APEX1: variants seen among roughly 807,000 people sequenced by gnomAD.
APEX1 encodes DNA repair nuclease/redox regulator APEX1.
Under a neutral mutation model 33.2 loss-of-function variants are expected in APEX1, and 32 were observed. The observed-to-expected ratio is 0.96, with a 90% confidence interval of 0.73 to 1.29. The LOEUF is 1.29. Ranked by LOEUF, APEX1 falls within the 50% of genes most tolerant of loss-of-function variation. The pLI, the probability that APEX1 is intolerant of heterozygous loss-of-function variation, is 0.00. For missense variants in APEX1, 442 were observed against 395.6 expected (o/e 1.12, Z -0.99); for synonymous variants, 175 against 156.6 (o/e 1.12, Z -0.88).
At position 20,456,841 on chromosome 14, in the gene APEX1, C is replaced by CA. The variant is rs770419753; in HGVS notation, c.423dup (p.Val142SerfsTer8). On this transcript the variant is annotated frameshift_variant, in exon 4 of 5. Transcript: ENST00000216714. LOFTEE classifies it high-confidence loss of function. Reference sequence around the variant, plus strand: ...GCCTGCTTTCCCGCCAGTGCCCACTCAAAGTTTCTTACGGCATAGGTGAGA... The same window carrying CA: ...GCCTGCTTTCCCGCCAGTGCCCACTCAAAAGTTTCTTACGGCATAGGTGAGA... 13 of 1,614,070 alleles carry CA rather than the reference C, an allele frequency of 8.1e-6. No homozygotes were observed. Among genetic ancestry groups the CA allele is most frequent in the Non-Finnish European group, 9.3e-6 (11 of 1,179,988 alleles).
intron 3 of APEX1, 44 bp from the exon 4 acceptor site, chr14:20,456,624 T>C: frequency 9.6e-6 from 15 of 1,559,108 alleles, no homozygotes; most frequent in Non-Finnish European, 1.3e-5. Context: ...ATAAATGTTC[T>C]GCTGAATTGA....
rs1433487488 is a variant in APEX1, at chr14:20,457,336, A to G, written c.785A>G (p.Tyr262Cys). 2.5e-6 allele frequency: 4 copies of G among 1,614,192 alleles called. No individual in the cohort carries two copies. Among genetic ancestry groups the G allele is most frequent in the Non-Finnish European group, 3.4e-6 (4 of 1,180,018 alleles). ...AGGCACCTCTACCCCAACACACCCT[A>G]TGCCTACACCTTTTGGACTTATATG... ...SFRHLYPNTP[Y>C]AYTFWTYMMN... Residue 262 changes from tyrosine to cysteine, a missense_variant, in exon 5 of 5, where the codon TAT (tyrosine) becomes TGT (cysteine). Physicochemically the swap from Tyr to Cys is radical, Grantham distance 194 (BLOSUM62 -2). Coordinates refer to ENST00000216714, the MANE Select transcript of APEX1 (RefSeq NM_001641.4).
At chr14:20,456,632 T>G (rs1881376343) in intron 3 of APEX1, 36 bp from the exon 4 acceptor site, 1 of 1,578,248 alleles carries the variant, frequency 6.3e-7, no homozygotes, top group Admixed American at 1.7e-5. Flanking sequence ...TCTGCTGAAT[T>G]GATAATACGT....
In APEX1 at chr14:20,455,936, G is replaced by C. The variant is rs754170368; in HGVS notation, c.81G>C (p.Lys27Asn). 2 of 1,614,012 alleles carry C rather than the reference G, an allele frequency of 1.2e-6. No homozygotes were observed. Among genetic ancestry groups the C allele is most frequent in the Non-Finnish European group, 1.7e-6 (2 of 1,180,018 alleles). The change falls in exon 3 of 5, where the codon AAG becomes AAC. Residue 27 changes from lysine to asparagine, a missense_variant. By Grantham distance (94) the Lys-to-Asn change is moderately conservative. Coordinates refer to ENST00000216714, the MANE Select transcript of APEX1 (RefSeq NM_001641.4). ...TAGAGCCAGAGGCCAAGAAGAGTAA[G>C]ACGGCCGCAAAGAAAAATGACAAAG... ...LRTEPEAKKSKTAAKKNDKEA... is the reference protein window; with the variant it reads ...LRTEPEAKKSNTAAKKNDKEA...
In APEX1 at chr14:20,456,712, C is replaced by T. The variant is rs370207363; in HGVS notation, c.291C>T (p.Thr97=). The change falls in exon 4 of 5, where the codon ACC becomes ACT. Residue 97 remains threonine, a synonymous_variant. Coordinates refer to ENST00000216714, the MANE Select transcript of APEX1 (RefSeq NM_001641.4). ...CAGATATACTGTGCCTTCAAGAGACCAAATGTTCAGAGAACAAACTACCAG... is the reference window on the plus strand; with the variant it reads ...CAGATATACTGTGCCTTCAAGAGACTAAATGTTCAGAGAACAAACTACCAG... ...EAPDILCLQE[T]KCSENKLPAE... 71 of 1,614,066 alleles carry T rather than the reference C, an allele frequency of 4.4e-5. No homozygotes were observed. The highest frequency in any genetic ancestry group is 5.8e-5 in the Non-Finnish European group (69 of 1,180,026).
chr14:20,457,761 A>G lies in APEX1; in HGVS notation c.*253A>G. The G allele has an allele frequency of 1.8e-6, 1 of 547,162 alleles. No individual in the cohort carries two copies. The allele number at this position is 547,162 out of a possible 1,614,324, so 33.9% of individuals were successfully genotyped here. A position where few individuals can be genotyped will look rare whatever the true frequency, so the allele number is the denominator to read the frequency against. ...TATCCACATGAAAATAAAGAGCCAT[A>G]GTTTCAGCCTTGCTGTCTTCGTGTC... On this transcript the variant is annotated 3_prime_UTR_variant, in exon 5 of 5. Transcript: ENST00000216714.
rs1410824004 is a variant in APEX1 at position 20,455,786 on chromosome 14, C to T, written c.58+83C>T. On this transcript the variant is annotated intron_variant, in intron 2 of 4. Transcript: ENST00000216714. ...CCCTTGATGTACGGTAAGTACGGGC[C>T]GACTCATTTTTGCAGGGGTTTGTGA... The T allele has an allele frequency of 3.1e-6, 5 of 1,613,724 alleles. No individual in the cohort carries two copies. In the Admixed American group the frequency reaches 8.3e-5, roughly 27 times the overall value.
At position 20,455,633 on chromosome 14, in the gene APEX1, G is replaced by A. The variant is rs762136931; in HGVS notation, c.-13G>A. 6.2e-7 allele frequency: 1 copy of A among 1,613,240 alleles called. No individual in the cohort carries two copies. Among genetic ancestry groups the A allele is most frequent in the Non-Finnish European group, 8.5e-7 (1 of 1,180,040 alleles). On this transcript the variant is annotated 5_prime_UTR_variant, in exon 2 of 5. Transcript: ENST00000216714. ...TGACGCGGTACAGCTGCCCAAGGGC[G>A]TTCGTAACGGGAATGCCGAAGCGTG...
intron 1 of APEX1, 66 bp from the exon 2 acceptor site, chr14:20,455,512 G>C (rs1437552947): frequency 1.4e-6 from 2 of 1,458,306 alleles, no homozygotes; most frequent in Non-Finnish European, 1.9e-6. Context: ...ACCTGGTGCG[G>C]GGACGCTCTT....
chr14:20,456,008 G>C lies in APEX1; in HGVS notation c.153G>C (p.Gln51His), dbSNP rs1048945. 53,911 of 1,614,190 alleles carry C rather than the reference G, an allele frequency of 0.033. 1,062 individuals carry two copies. The highest frequency in any genetic ancestry group is 0.042 in the Non-Finnish European group (49,188 of 1,180,038). ...GPALYEDPPD[Q>H]KTSPSGKPAT... is the part of the protein sequence containing the mutation. ...CCCTGTATGAGGACCCCCCAGATCA[G>C]AAAACCTCACCCAGTGGCAAACCTG... Residue 51 changes from glutamine to histidine, a missense_variant, in exon 3 of 5, where the codon CAG (glutamine) becomes CAC (histidine). Transcript: ENST00000216714.
chr14:20,456,553 TCCTTAGGCCA>T (rs1881369220), intron 3 of APEX1, 105 bp from the exon 4 acceptor site: 2 of 992,338 alleles, frequency 2.0e-6, no homozygotes, highest in Admixed American at 3.8e-5. Flanking sequence ...TGACTCGAAC[TCCTTAGGCCA>T]AGAGACTGTT....
In APEX1 at chr14:20,457,493, A is replaced by G; in HGVS notation, c.942A>G (p.Leu314=). The part of the protein sequence containing the change: ...ALGSDHCPIT[L]YLAL ...GCAGTGATCACTGTCCTATCACCCT[A>G]TACCTAGCACTGTGACACCACCCCT... The change falls in exon 5 of 5, where the codon CTA becomes CTG. Residue 314 remains leucine, a synonymous_variant. Transcript: ENST00000216714. 2 of 1,614,058 alleles carry G rather than the reference A, an allele frequency of 1.2e-6. No individual in the cohort carries two copies.
In APEX1 at chr14:20,457,093, G is replaced by A. The variant is rs754130481; in HGVS notation, c.542G>A (p.Arg181Gln). 1.1e-5 allele frequency: 17 copies of A among 1,614,090 alleles called. No homozygotes were observed. The highest frequency in any genetic ancestry group is 3.3e-5 in the South Asian group (3 of 91,076). ...CCTAATGCAGGCCGAGGTCTGGTAC[G>A]ACTGGAGTACCGGCAGCGCTGGGAT... is the stretch of plus-strand genomic sequence containing the variant. ...YVPNAGRGLV[R>Q]LEYRQRWDEA... The change falls in exon 5 of 5, where the codon CGA becomes CAA. Residue 181 changes from arginine (R) to glutamine (Q), a missense_variant. By Grantham distance (43) the Arg-to-Gln change is conservative. Coordinates refer to ENST00000216714, the MANE Select transcript of APEX1 (RefSeq NM_001641.4).
chr14:20,455,982 G>T lies in APEX1; in HGVS notation c.127G>T (p.Ala43Ser). ...CAAAGAGGCAGCAGGAGAGGGCCCA[G>T]CCCTGTATGAGGACCCCCCAGATCA... Reference protein sequence around the residue: ...NDKEAAGEGPALYEDPPDQKT... With the variant: ...NDKEAAGEGPSLYEDPPDQKT... The change falls in exon 3 of 5, where the codon GCC becomes TCC. Residue 43 changes from alanine to serine, a missense_variant. Transcript: ENST00000216714. 6.2e-7 allele frequency: 1 copy of T among 1,614,188 alleles called. No homozygotes were observed. The highest frequency in any genetic ancestry group is 8.5e-7 in the Non-Finnish European group (1 of 1,180,034).
chr14:20,455,298 C>T lies in APEX1; in HGVS notation c.-165C>T. On this transcript the variant is annotated 5_prime_UTR_variant, in exon 1 of 5. Transcript: ENST00000216714. Reference sequence around the variant, plus strand: ...GCAGATACGGGGTTGCTCTTTTGCTCATAAGAGGGGCTTCGCTGGCAGTCT... The same window carrying T: ...GCAGATACGGGGTTGCTCTTTTGCTTATAAGAGGGGCTTCGCTGGCAGTCT... 7 of 437,444 alleles carry T rather than the reference C, an allele frequency of 1.6e-5. No individual in the cohort carries two copies. The highest frequency in any genetic ancestry group is 1.5e-4 in the South Asian group (7 of 45,620). 27.1% of individuals were successfully genotyped at this position (437,444 alleles called of 1,614,324 possible). A position where few individuals can be genotyped will look rare whatever the true frequency, so the allele number is the denominator to read the frequency against.
At chr14:20,455,775 T>A (rs1555332139) in intron 2 of APEX1, 72 bp downstream of exon 2, 1 of 1,613,600 alleles carries the variant, frequency 6.2e-7, no homozygotes, top group Non-Finnish European at 8.5e-7. Context: ...TGATGTACGG[T>A]AAGTACGGGC....
At chr14:20,456,640 C>T (rs745718164) in intron 3 of APEX1, 28 bp from the exon 4 acceptor site, 41 of 1,594,658 alleles carry the variant, frequency 2.6e-5, no homozygotes, top group South Asian at 1.4e-4. Context: ...ATTGATAATA[C>T]GTTTTCCACC....
Position 20,455,896 on chromosome 14 carries a change from ATATT to A in APEX1, c.59-17_59-14del, listed in dbSNP as rs776203258. Reference sequence around the variant, plus strand: ...GAAACCACCAGCTTTTTGTCAGTATATATTACTCATTTTATAGAGCCAGAGGCCA... The same window carrying A: ...GAAACCACCAGCTTTTTGTCAGTATAACTCATTTTATAGAGCCAGAGGCCA... On this transcript the variant is annotated splice_polypyrimidine_tract_variant and intron_variant, in intron 2 of 4. Transcript: ENST00000216714. 3.1e-6 allele frequency: 5 copies of A among 1,613,784 alleles called. No individual in the cohort carries two copies. The African/African-American group carries it at 6.7e-5, about 22-fold the overall frequency.
chr14:20,457,180 A>G lies in APEX1; in HGVS notation c.629A>G (p.Asp210Gly). ...ASRKPLVLCGDLNVAHEEIDL... is the reference protein window; with the variant it reads ...ASRKPLVLCGGLNVAHEEIDL... ...CGAAAGCCCCTTGTGCTGTGTGGAG[A>G]CCTCAATGTGGCACATGAAGAAATT... The change falls in exon 5 of 5, where the codon GAC becomes GGC. Residue 210 changes from aspartate to glycine, a missense_variant. Coordinates refer to ENST00000216714, the MANE Select transcript of APEX1 (RefSeq NM_001641.4). The G allele has an allele frequency of 6.2e-7, 1 of 1,614,044 alleles. No individual in the cohort carries two copies. Among genetic ancestry groups the G allele is most frequent in the Non-Finnish European group, 8.5e-7 (1 of 1,179,996 alleles).
Sources: allele counts gnomAD v4.1 joint callset, GRCh38; gene constraint gnomAD v4.1.1; transcripts MANE v1.5; gene names NCBI Gene and HGNC (gene_info 2026-07-23, HGNC 2026-07-21).